The following BCR variants were observed in gnomAD, a reference collection of about 807,000 sequenced individuals.
BCR encodes the protein BCR activator of RhoGEF and GTPase, also known as breakpoint cluster region protein.
A neutral mutation model predicts 138.6 loss-of-function variants in BCR; 58 were observed. The observed-to-expected ratio is 0.42, with a 90% confidence interval of 0.34 to 0.52. The LOEUF is 0.52. BCR is among the 20% of genes least tolerant of loss of function. The probability of loss-of-function intolerance (pLI) is 0.06; values close to 1 mark genes in which losing one functional copy is unlikely to be tolerated. For missense variants in BCR, 1,599 were observed against 1,727.2 expected (o/e 0.93, Z 1.32); for synonymous variants, 786 against 730.1 (o/e 1.08, Z -1.23).
chr22:23,181,954 T>TGCAGCTCCAATGAGAACC lies in BCR; in HGVS notation c.995_1012dup (p.Asn337_Leu338insArgSerSerAsnGluAsn). ...TTGCGGAGGCGGCTATACCCCGGAC[T>TGCAGCTCCAATGAGAACC]GCAGCTCCAATGAGAACCTCACCTC... On this transcript the variant is annotated inframe_insertion, in exon 1 of 23. Coordinates refer to ENST00000305877, the MANE Select transcript of BCR (RefSeq NM_004327.4). 2.5e-6 allele frequency: 4 copies of TGCAGCTCCAATGAGAACC among 1,613,124 alleles called. No homozygotes were observed. The highest frequency in any genetic ancestry group is 2.5e-6 in the Non-Finnish European group (3 of 1,179,920).
At chr22:23,193,195 A>G (rs1029973714) in intron 1 of BCR, among the ~76,000 whole-genome samples, 1 of 152,242 alleles carries the variant, frequency 6.6e-6, no homozygotes, top group African/African-American at 2.4e-5. Flanking sequence ...TTTTCTGCAC[A>G]TGACGAGGTA....
intron 1 of BCR, chr22:23,198,434 A>G (rs774066763): frequency 2.4e-6 from 1 of 419,496 alleles, no homozygotes; most frequent in Non-Finnish European, 4.5e-6. Flanking sequence ...CCCCAAAGAG[A>G]GGTGGCTGGG....
At chr22:23,271,467 G>A in intron 5 of BCR, 65 bp from the exon 6 acceptor site, 2 of 1,516,302 alleles carry the variant, frequency 1.3e-6, no homozygotes, top group Admixed American at 3.4e-5. Flanking sequence ...TGCCAAAGGG[G>A]GAACTGTCTG....
rs149704858 is a variant in BCR at position 23,248,657 on chromosome 22, C to T, written c.1280-5142C>T. On this transcript the variant is annotated intron_variant, in intron 1 of 22. Coordinates refer to ENST00000305877, the MANE Select transcript of BCR (RefSeq NM_004327.4). ...AGAGGGTTTCAGATTTCACTAGGCC[C>T]TCCCTCTTCCACACCAACCCTGGGC... Among the ~76,000 whole-genome samples, 349 of 152,284 alleles carry T rather than the reference C, an allele frequency of 2.3e-3. 3 individuals carry two copies. The highest frequency in any genetic ancestry group is 8.0e-3 in the African/African-American group (333 of 41,576).
chr22:23,254,319 C>G (rs1042650040), intron 2 of BCR, among the ~76,000 whole-genome samples: 5 of 152,122 alleles, frequency 3.3e-5, no homozygotes, highest in Admixed American at 2.0e-4. Flanking sequence ...GCTTGGGTCC[C>G]TTTGCTTCAT....
intron 7 of BCR, 35 bp from the exon 8 acceptor site, chr22:23,273,597 CCT>C (rs2073535403): frequency 6.2e-7 from 1 of 1,611,510 alleles, no homozygotes; most frequent in Non-Finnish European, 8.5e-7. Flanking sequence ...TGCCAGTGCT[CCT>C]CTGTGTCTAA....
At chr22:23,309,964 GCA>G (rs1357075689) in intron 17 of BCR, 2 of 362,966 alleles carry the variant, frequency 5.5e-6, no homozygotes, top group Non-Finnish European at 1.0e-5. Context: ...CAGGCACAGT[GCA>G]CCTATAGTCT....
At chr22:23,198,081 G>A (rs549623428) in intron 1 of BCR, among the ~76,000 whole-genome samples, 9 of 152,264 alleles carry the variant, frequency 5.9e-5, no homozygotes, top group African/African-American at 9.6e-5. Flanking sequence ...AGAAGTGGGG[G>A]AGTTTATGTT....
chr22:23,200,036 C>T (rs1460670384), intron 1 of BCR, among the ~76,000 whole-genome samples: 1 of 149,792 alleles, frequency 6.7e-6, no homozygotes, highest in Non-Finnish European at 1.5e-5. Flanking sequence ...TGCAGTGAGC[C>T]AAGATCCACC....
Position 23,266,216 on chromosome 22 carries a change from G to A in BCR, c.1753-2192G>A, listed in dbSNP as rs528996862. The stretch of plus-strand genomic sequence containing the variant: ...TCTCCTGCCTCAGCTTCCCTGAGTA[G>A]CTGGGACTACAGGCACGTGCCACCA... On this transcript the variant is annotated intron_variant, in intron 4 of 22. Transcript: ENST00000305877. 1.5e-4 allele frequency among the ~76,000 whole-genome samples: 23 copies of A among 151,926 alleles called. No homozygotes were observed. The East Asian group carries it at 4.1e-3, about 27-fold the overall frequency.
chr22:23,288,946 G>T (rs934044770), intron 12 of BCR, among the ~76,000 whole-genome samples: 7 of 152,182 alleles, frequency 4.6e-5, no homozygotes, highest in African/African-American at 1.7e-4. Flanking sequence ...TCTCACCTAT[G>T]CAGAGCCACC....
intron 15 of BCR, among the ~76,000 whole-genome samples, chr22:23,293,626 C>T (rs1912245580): frequency 6.6e-6 from 1 of 152,148 alleles, no homozygotes; most frequent in African/African-American, 2.4e-5. Flanking sequence ...CACGACCCAG[C>T]AGAGACAACA....
intron 4 of BCR, among the ~76,000 whole-genome samples, chr22:23,266,201 C>A (rs1352442356): frequency 6.6e-6 from 1 of 152,134 alleles, no homozygotes; most frequent in Non-Finnish European, 1.5e-5. Context: ...TCTCCTGCCT[C>A]AGCTTCCCTG....
chr22:23,272,202 G>T (rs900275794), intron 6 of BCR, among the ~76,000 whole-genome samples: 2 of 152,188 alleles, frequency 1.3e-5, no homozygotes, highest in Non-Finnish European at 2.9e-5. Context: ...TTAAGTGGCT[G>T]GGCAGGAATT....
At chr22:23,209,953 G>C (rs1183233973) in intron 1 of BCR, among the ~76,000 whole-genome samples, 1 of 152,116 alleles carries the variant, frequency 6.6e-6, no homozygotes, top group Non-Finnish European at 1.5e-5. Flanking sequence ...TCACATATCA[G>C]ATTTTTACAT....
intron 1 of BCR, among the ~76,000 whole-genome samples, chr22:23,194,466 A>G (rs1470653727): frequency 6.7e-6 from 1 of 148,788 alleles, no homozygotes; most frequent in African/African-American, 2.5e-5. Flanking sequence ...GCTGGAGTGC[A>G]GTGGAGCAAT....
chr22:23,243,624 C>A (rs116754790), intron 1 of BCR, among the ~76,000 whole-genome samples: 1 of 151,388 alleles, frequency 6.6e-6, no homozygotes, highest in Admixed American at 6.6e-5. Flanking sequence ...AAGGTTTTCC[C>A]GAATTCTGTG....
intron 8 of BCR, among the ~76,000 whole-genome samples, chr22:23,276,832 C>T (rs988643431): frequency 3.3e-5 from 5 of 152,256 alleles, no homozygotes; most frequent in South Asian, 2.1e-4. Flanking sequence ...CGTCAGGGTC[C>T]GCTCTCCCTC....
intron 4 of BCR, chr22:23,264,562 T>A: frequency 2.2e-6 from 1 of 463,062 alleles, no homozygotes; most frequent in Non-Finnish European, 3.9e-6. Context: ...CCCAGGAACC[T>A]GTTGGAGAGG....
Sources: gnomAD v4.1 joint callset for allele counts (sites outside exome capture counted in the v4.1 genomes callset) on GRCh38, gnomAD v4.1.1 for gene constraint, MANE v1.5 for transcripts, NCBI Gene and HGNC (gene_info 2026-07-23, HGNC 2026-07-21) for gene names.